Variants in CCSER1 observed in about 807,000 individuals in gnomAD.
CCSER1 encodes serine-rich coiled-coil domain-containing protein 1.
A neutral mutation model predicts 82.0 loss-of-function variants in CCSER1; 41 were observed. The observed-to-expected ratio is 0.50, with a 90% confidence interval of 0.39 to 0.65. The LOEUF (loss-of-function observed/expected upper bound fraction) is 0.65. Among genes scored for constraint, CCSER1 ranks in the 30% least tolerant of loss-of-function variants. The pLI, the probability that CCSER1 is intolerant of heterozygous loss-of-function variation, is 0.00. For synonymous variants in CCSER1, 414 were observed against 383.9 expected (o/e 1.08, Z -0.92); for missense variants, 1,119 against 1,064.2 (o/e 1.05, Z -0.72).
intron 10 of CCSER1, among the ~76,000 whole-genome samples, chr4:91,520,685 TA>T (rs976704290): frequency 1.3e-5 from 2 of 152,208 alleles, no homozygotes; most frequent in African/African-American, 4.8e-5. Flanking sequence ...TGACTCCATT[TA>T]GTACTTCTTG....
At position 90,216,529 on chromosome 4, in the gene CCSER1, A is replaced by G. The variant is rs1044226604; in HGVS notation, c.-42+88698A>G. ...TGCACATTACAGTTCTGTATTAGAT[A>G]TCATTTATAAAAGAGATTTCCATTG... On this transcript the variant is annotated intron_variant, in intron 1 of 10. Transcript: ENST00000509176. Among the ~76,000 whole-genome samples the G allele has an allele frequency of 4.6e-5, 7 of 152,350 alleles. No homozygotes were observed. In the South Asian group the frequency reaches 1.4e-3, roughly 32 times the overall value.
At chr4:90,403,391 T>C (rs1049218505) in intron 4 of CCSER1, among the ~76,000 whole-genome samples, 6 of 144,548 alleles carry the variant, frequency 4.2e-5, no homozygotes, top group Admixed American at 7.1e-5. Flanking sequence ...CCCAGCTACT[T>C]GGGAGGCTGA....
intron 9 of CCSER1, among the ~76,000 whole-genome samples, chr4:91,078,435 A>G (rs1464586172): frequency 2.0e-5 from 3 of 152,234 alleles, no homozygotes; most frequent in Non-Finnish European, 2.9e-5. Flanking sequence ...CGTCACCATC[A>G]TCAAAGACCA....
At chr4:90,884,157 C>G (rs1312083456) in intron 8 of CCSER1, among the ~76,000 whole-genome samples, 2 of 152,042 alleles carry the variant, frequency 1.3e-5, no homozygotes, top group Non-Finnish European at 2.9e-5. Context: ...ATGGAGAGGT[C>G]ACTACAATGA....
At chr4:91,099,356 G>C (rs953424188) in intron 10 of CCSER1, among the ~76,000 whole-genome samples, 1 of 152,156 alleles carries the variant, frequency 6.6e-6, no homozygotes, top group Non-Finnish European at 1.5e-5. Flanking sequence ...AAGATCAAGA[G>C]ACCCTTTAAG....
intron 3 of CCSER1, among the ~76,000 whole-genome samples, chr4:90,333,595 T>G (rs1371710206): frequency 6.6e-6 from 1 of 152,166 alleles, no homozygotes; most frequent in African/African-American, 2.4e-5. Flanking sequence ...GCAATGCAGT[T>G]TAAGTGGTTC....
intron 10 of CCSER1, among the ~76,000 whole-genome samples, chr4:91,301,090 A>G (rs1213788204): frequency 6.6e-6 from 1 of 151,918 alleles, no homozygotes; most frequent in Non-Finnish European, 1.5e-5. Flanking sequence ...CATTATGCAT[A>G]CATAATATGC....
chr4:91,345,654 A>G (rs1401904331), intron 10 of CCSER1, among the ~76,000 whole-genome samples: 1 of 152,186 alleles, frequency 6.6e-6, no homozygotes, highest in Non-Finnish European at 1.5e-5. Flanking sequence ...TTTTTGTTAT[A>G]TAATTGATGA....
intron 10 of CCSER1, among the ~76,000 whole-genome samples, chr4:91,179,293 T>A (rs1733751170): frequency 1.3e-5 from 2 of 152,224 alleles, no homozygotes; most frequent in Non-Finnish European, 2.9e-5. Context: ...GGGTTACTCT[T>A]CTTGAGGAGT....
At chr4:90,209,275 A>C (rs1739498552) in intron 1 of CCSER1, among the ~76,000 whole-genome samples, 1 of 152,100 alleles carries the variant, frequency 6.6e-6, no homozygotes, top group Non-Finnish European at 1.5e-5. Flanking sequence ...AGTGAGGGGC[A>C]CCCCTAGTCA....
At chr4:90,930,939 T>TATATATATATATATATATAC (rs749253663) in intron 9 of CCSER1, among the ~76,000 whole-genome samples, 2 of 135,086 alleles carry the variant, frequency 1.5e-5, no homozygotes, top group Non-Finnish European at 3.1e-5. Context: ...TATATATATA[T>TATATATATATATATATATAC]ACACATGACA....
At chr4:90,943,176 C>G (rs1018696835) in intron 9 of CCSER1, among the ~76,000 whole-genome samples, 2 of 152,084 alleles carry the variant, frequency 1.3e-5, no homozygotes, top group East Asian at 3.9e-4. Flanking sequence ...TTTCTGTGTA[C>G]ATTTTCACTA....
At chr4:91,304,293 T>C (rs1344611577) in intron 10 of CCSER1, among the ~76,000 whole-genome samples, 1 of 152,122 alleles carries the variant, frequency 6.6e-6, no homozygotes, top group Admixed American at 6.6e-5. Flanking sequence ...ATAATTTTAG[T>C]ATTATGTTTA....
chr4:90,452,791 G>T (rs1051794561), intron 4 of CCSER1, among the ~76,000 whole-genome samples: 6 of 152,144 alleles, frequency 3.9e-5, no homozygotes, highest in African/African-American at 1.4e-4. Context: ...ATACTGTAGT[G>T]CCCAAGAATG....
Position 90,799,446 on chromosome 4 carries a change from GGA to G in CCSER1, c.2011-16310_2011-16309del, listed in dbSNP as rs1756490310. On this transcript the variant is annotated intron_variant, in intron 7 of 10. Transcript: ENST00000509176. ...GGACCCTGGGGAAGCTACAGTATGGGGAGAGAGTGTGCAGGCTGGTGTGTGGC... is the reference window on the plus strand; with the variant it reads ...GGACCCTGGGGAAGCTACAGTATGGGGAGAGTGTGCAGGCTGGTGTGTGGC... Among the ~76,000 whole-genome samples the G allele has an allele frequency of 2.6e-5, 4 of 152,292 alleles. No individual in the cohort carries two copies. In the South Asian group the frequency reaches 8.3e-4, roughly 32 times the overall value.
chr4:91,598,872 T>C lies in CCSER1; in HGVS notation c.2518T>C (p.Ser840Pro). Reference sequence around the variant, plus strand: ...GCCAACAGCTAAGACAGAAGGGCTCTCCACGTTCTTAGAGAAACCAAAGGA... The same window carrying C: ...GCCAACAGCTAAGACAGAAGGGCTCCCCACGTTCTTAGAGAAACCAAAGGA... ...LKPTAKTEGL[S>P]TFLEKPKDQV... Residue 840 changes from serine (S) to proline (P), a missense_variant, in exon 11 of 11, where the codon TCC (serine) becomes CCC (proline). Coordinates refer to ENST00000509176, the MANE Select transcript of CCSER1 (RefSeq NM_001145065.2). 1 of 1,551,630 alleles carries C rather than the reference T, an allele frequency of 6.4e-7. No individual in the cohort carries two copies. Among genetic ancestry groups the C allele is most frequent in the Non-Finnish European group, 8.7e-7 (1 of 1,146,936 alleles).
At chr4:90,172,708 T>C (rs567196947) in intron 1 of CCSER1, among the ~76,000 whole-genome samples, 1 of 151,948 alleles carries the variant, frequency 6.6e-6, no homozygotes, top group South Asian at 2.1e-4. Context: ...TCTTAACCAC[T>C]ATACTATCCA....
At chr4:91,437,837 C>A (rs529211618) in intron 10 of CCSER1, among the ~76,000 whole-genome samples, 3 of 152,248 alleles carry the variant, frequency 2.0e-5, no homozygotes, top group Admixed American at 6.5e-5. Flanking sequence ...TATCTCGCAC[C>A]TGGTTTGGAG....
intron 10 of CCSER1, among the ~76,000 whole-genome samples, chr4:91,143,526 G>A (rs1439899231): frequency 1.3e-5 from 2 of 152,098 alleles, no homozygotes; most frequent in Admixed American, 6.6e-5. Flanking sequence ...TTGAATAGGA[G>A]TGATGTGAGT....
Sources: gnomAD v4.1 joint callset for allele counts (sites outside exome capture counted in the v4.1 genomes callset) on GRCh38, gnomAD v4.1.1 for gene constraint, MANE v1.5 for transcripts, NCBI Gene and HGNC (gene_info 2026-07-23, HGNC 2026-07-21) for gene names.